MAGI2: variants seen among roughly 807,000 people sequenced by gnomAD.
The protein encoded by MAGI2 is membrane-associated guanylate kinase, WW and PDZ domain-containing protein 2.
A neutral mutation model predicts 133.3 loss-of-function variants in MAGI2; 35 were observed. That is an observed-to-expected ratio of 0.26 (90% CI 0.20 to 0.35). The LOEUF (loss-of-function observed/expected upper bound fraction) is 0.35, where lower values mean the gene tolerates loss of function less well. MAGI2 is among the 10% of genes least tolerant of loss of function. The probability of loss-of-function intolerance (pLI) is 1.00; values close to 1 mark genes in which losing one functional copy is unlikely to be tolerated. For synonymous variants in MAGI2, 729 were observed against 710.6 expected (o/e 1.03, Z -0.41); for missense variants, 1,636 against 1,863.4 (o/e 0.88, Z 2.25).
At chr7:79,160,043 T>A (rs1002009560) in intron 1 of MAGI2, among the ~76,000 whole-genome samples, 1 of 152,072 alleles carries the variant, frequency 6.6e-6, no homozygotes, top group East Asian at 1.9e-4. Context: ...ACCTTGGTAA[T>A]CTTTGGTAAA....
intron 1 of MAGI2, among the ~76,000 whole-genome samples, chr7:79,217,991 T>G (rs1326041237): frequency 6.6e-6 from 1 of 151,840 alleles, no homozygotes; most frequent in East Asian, 1.9e-4. Flanking sequence ...GCTTTTGATT[T>G]GAAAAAAAAG....
chr7:78,604,361 C>G (rs1188957097), intron 3 of MAGI2, among the ~76,000 whole-genome samples: 1 of 152,190 alleles, frequency 6.6e-6, no homozygotes, highest in Non-Finnish European at 1.5e-5. Context: ...ATAGATAAAA[C>G]TAGAATAGAA....
intron 1 of MAGI2, among the ~76,000 whole-genome samples, chr7:79,396,834 T>C (rs1845094201): frequency 6.6e-6 from 1 of 152,172 alleles, no homozygotes; most frequent in Non-Finnish European, 1.5e-5. Flanking sequence ...TACATTATAC[T>C]TCTTAAAACT....
chr7:78,069,539 G>GGAGAGAGAGAGAGAGAGAGA lies in MAGI2; in HGVS notation c.3706+9388_3706+9407dup, dbSNP rs3840607. 2.2e-3 allele frequency among the ~76,000 whole-genome samples: 296 copies of GGAGAGAGAGAGAGAGAGAGA among 134,688 alleles called. 1 individual carries two copies. The highest frequency in any genetic ancestry group is 9.1e-3 in the South Asian group (35 of 3,866). 88.4% of individuals were successfully genotyped at this position (134,688 alleles called of 152,430 possible). A position where few individuals can be genotyped will look rare whatever the true frequency, so the allele number is the denominator to read the frequency against. On this transcript the variant is annotated intron_variant, in intron 21 of 21. Coordinates refer to ENST00000354212, the MANE Select transcript of MAGI2 (RefSeq NM_012301.4). ...AGAGAGAGATTGAAAGAAAGAGAGA[G>GGAGAGAGAGAGAGAGAGAGA]GAGAGAGAGAGAGAGAGAGAGAGAG...
chr7:78,561,277 A>G (rs896766038), intron 3 of MAGI2, among the ~76,000 whole-genome samples: 1 of 152,214 alleles, frequency 6.6e-6, no homozygotes, highest in Admixed American at 6.5e-5. Flanking sequence ...TAGCAAGTAC[A>G]AGATTCTGGG....
At chr7:79,030,339 T>TA (rs111735688) in intron 1 of MAGI2, 17,999 of 152,174 alleles carry the variant, frequency 0.12, 1,510 homozygotes, top group African/African-American at 0.24. Flanking sequence ...AAGCATTCCA[T>TA]AAAATAAAAC....
chr7:79,365,732 T>C (rs1018996484), intron 1 of MAGI2, among the ~76,000 whole-genome samples: 2 of 151,336 alleles, frequency 1.3e-5, no homozygotes, highest in Non-Finnish European at 2.9e-5. Context: ...TGGTGGCAGG[T>C]GCCTGTAATC....
intron 1 of MAGI2, among the ~76,000 whole-genome samples, chr7:79,265,480 T>C (rs1834382610): frequency 6.6e-6 from 1 of 152,190 alleles, no homozygotes; most frequent in African/African-American, 2.4e-5. Context: ...TTATAGTACT[T>C]TTCCTTTTTT....
At chr7:79,378,971 T>TATATATATATATATA (rs1563168412) in intron 1 of MAGI2, among the ~76,000 whole-genome samples, 2 of 101,414 alleles carry the variant, frequency 2.0e-5, no homozygotes, top group African/African-American at 7.5e-5. Context: ...TATATATATA[T>TATATATATATATATA]TAAACTTTAA....
intron 1 of MAGI2, among the ~76,000 whole-genome samples, chr7:79,232,393 G>A (rs1475902859): frequency 1.4e-5 from 2 of 141,562 alleles, no homozygotes; most frequent in African/African-American, 5.3e-5. Context: ...TGTACCTCTG[G>A]TAGAATTCGG....
intron 1 of MAGI2, among the ~76,000 whole-genome samples, chr7:79,270,237 C>T (rs902319377): frequency 1.1e-4 from 17 of 152,132 alleles, no homozygotes; most frequent in East Asian, 5.8e-4. Flanking sequence ...AACCTCTGAG[C>T]CTTTGGGGAA....
At chr7:78,959,947 T>C (rs1802707897) in intron 2 of MAGI2, among the ~76,000 whole-genome samples, 1 of 152,184 alleles carries the variant, frequency 6.6e-6, no homozygotes, top group Admixed American at 6.5e-5. Context: ...CCAGTATGGC[T>C]AATTTCAATA....
chr7:78,760,729 T>C (rs1824424213), intron 2 of MAGI2, among the ~76,000 whole-genome samples: 1 of 152,184 alleles, frequency 6.6e-6, no homozygotes, highest in African/African-American at 2.4e-5. Context: ...GAATATTTTA[T>C]CCCGATATGT....
chr7:78,875,451 C>T (rs1188164189), intron 2 of MAGI2, among the ~76,000 whole-genome samples: 2 of 152,172 alleles, frequency 1.3e-5, no homozygotes, highest in African/African-American at 4.8e-5. Context: ...TACACAGGCT[C>T]AGAAGACCCT....
intron 3 of MAGI2, among the ~76,000 whole-genome samples, chr7:78,555,813 T>C (rs1563163769): frequency 1.3e-5 from 2 of 152,188 alleles, no homozygotes; most frequent in African/African-American, 4.8e-5. Flanking sequence ...CAAAGATGTG[T>C]TTATCTAAAC....
chr7:79,215,688 C>A (rs955497423), intron 1 of MAGI2, among the ~76,000 whole-genome samples: 2 of 151,970 alleles, frequency 1.3e-5, no homozygotes, highest in South Asian at 4.1e-4. Context: ...CTGGACTGAA[C>A]CAATGTACAG....
chr7:78,126,360 T>A (rs1000192105), intron 19 of MAGI2, among the ~76,000 whole-genome samples: 3 of 152,210 alleles, frequency 2.0e-5, no homozygotes, highest in Admixed American at 6.5e-5. Context: ...ATGCAGTATG[T>A]CCAAGATTCT....
intron 2 of MAGI2, among the ~76,000 whole-genome samples, chr7:79,003,642 G>A (rs907934377): frequency 6.6e-6 from 1 of 152,132 alleles, no homozygotes; most frequent in Non-Finnish European, 1.5e-5. Context: ...ACTTATTTAA[G>A]TTTCTAACAA....
intron 3 of MAGI2, among the ~76,000 whole-genome samples, chr7:78,582,020 T>C (rs548145172): frequency 6.6e-6 from 1 of 152,288 alleles, no homozygotes; most frequent in East Asian, 1.9e-4. Flanking sequence ...AACTCCTTCC[T>C]AGGTTTTATA....
Sources: allele counts gnomAD v4.1 joint callset (sites outside exome capture counted in the v4.1 genomes callset), GRCh38; gene constraint gnomAD v4.1.1; transcripts MANE v1.5; gene names NCBI Gene and HGNC (gene_info 2026-07-23, HGNC 2026-07-21).